GABRB2: variants seen among roughly 807,000 people sequenced by gnomAD.
GABRB2 encodes gamma-aminobutyric acid type A receptor subunit beta2.
Under a neutral mutation model 54.7 loss-of-function variants are expected in GABRB2, and 16 were observed. The observed-to-expected ratio is 0.29, with a 90% CI of 0.20 to 0.44. The LOEUF is 0.44. GABRB2 is among the 20% of genes least tolerant of loss of function. The pLI is 1.00. For synonymous variants in GABRB2, 244 were observed against 233.8 expected, an observed-to-expected ratio of 1.04 and a Z score of -0.40; for missense variants, 355 against 644.0, an observed-to-expected ratio of 0.55 and a Z score of 4.86.
At chr5:161,335,275 G>A (rs1753959267) in intron 6 of GABRB2, among the ~76,000 whole-genome samples, 2 of 152,272 alleles carry the variant, frequency 1.3e-5, no homozygotes, top group East Asian at 3.9e-4. Context: ...GAGTGAGGCT[G>A]CATGTTCTGG....
chr5:161,329,903 T>C (rs1753780994), intron 8 of GABRB2: 1 of 152,208 alleles, frequency 6.6e-6, no homozygotes, highest in Non-Finnish European at 1.5e-5. Context: ...GCAAGTGCTA[T>C]AACAGGAAGC....
At chr5:161,302,763 A>G (rs1386460759) in intron 9 of GABRB2, among the ~76,000 whole-genome samples, 1 of 152,198 alleles carries the variant, frequency 6.6e-6, no homozygotes, top group Non-Finnish European at 1.5e-5. Flanking sequence ...GCTCTTTCCA[A>G]AAATAGCACT....
chr5:161,504,357 A>G (rs192940754), intron 3 of GABRB2, among the ~76,000 whole-genome samples: 5 of 152,272 alleles, frequency 3.3e-5, no homozygotes, highest in African/African-American at 7.2e-5. Context: ...TGTATGTTCT[A>G]TGACAACAAC....
intron 1 of GABRB2, 48 bp from the exon 2 acceptor site, chr5:161,546,461 T>C (rs767231228): frequency 6.3e-7 from 1 of 1,588,876 alleles, no homozygotes; most frequent in Admixed American, 1.7e-5. Context: ...GAAGCAGGCA[T>C]AGCGTTTTCA....
At chr5:161,521,081 C>T (rs73303269) in intron 3 of GABRB2, among the ~76,000 whole-genome samples, 6,643 of 152,022 alleles carry the variant, frequency 0.044, 424 homozygotes, top group African/African-American at 0.14. Context: ...TTCCTATGGA[C>T]GGGCAAGCTG....
chr5:161,401,053 G>A (rs1756172202), intron 5 of GABRB2, among the ~76,000 whole-genome samples: 1 of 152,140 alleles, frequency 6.6e-6, no homozygotes, highest in Admixed American at 6.6e-5. Flanking sequence ...TGATTCACGG[G>A]AAAGTCTTGA....
chr5:161,479,639 GA>G (rs1758698887), intron 3 of GABRB2, among the ~76,000 whole-genome samples: 1 of 146,080 alleles, frequency 6.8e-6, no homozygotes, highest in South Asian at 2.1e-4. Context: ...AGGCTGGGGT[GA>G]GTGCAGTGGC....
chr5:161,467,208 C>T (rs1001347781), intron 3 of GABRB2, among the ~76,000 whole-genome samples: 9 of 152,212 alleles, frequency 5.9e-5, no homozygotes, highest in Admixed American at 3.9e-4. Context: ...ACAGCTTTGT[C>T]TCCAAAATTA....
chr5:161,382,404 T>C (rs1755497368), intron 5 of GABRB2, among the ~76,000 whole-genome samples: 1 of 152,318 alleles, frequency 6.6e-6, no homozygotes, highest in Admixed American at 6.5e-5. Context: ...AATCCATTTA[T>C]CCTCAGATGC....
At chr5:161,511,848 A>G (rs1759779657) in intron 3 of GABRB2, among the ~76,000 whole-genome samples, 1 of 151,992 alleles carries the variant, frequency 6.6e-6, no homozygotes, top group Non-Finnish European at 1.5e-5. Context: ...ATACTGAATT[A>G]GGAGCTACCT....
intron 3 of GABRB2, among the ~76,000 whole-genome samples, chr5:161,502,731 C>T (rs1759489780): frequency 6.6e-6 from 1 of 152,128 alleles, no homozygotes; most frequent in South Asian, 2.1e-4. Context: ...GGGAGCAATA[C>T]CTTGGCTAGG....
At chr5:161,484,069 A>G (rs576643173) in intron 3 of GABRB2, among the ~76,000 whole-genome samples, 8 of 151,006 alleles carry the variant, frequency 5.3e-5, no homozygotes, top group African/African-American at 1.5e-4. Context: ...AAAGAAAATG[A>G]AAAAAAAAGC....
intron 3 of GABRB2, among the ~76,000 whole-genome samples, chr5:161,531,663 G>A (rs1760466933): frequency 6.6e-6 from 1 of 151,546 alleles, no homozygotes; most frequent in African/African-American, 2.4e-5. Context: ...CCCAGTAGCA[G>A]ACTAATATGC....
chr5:161,311,943 C>T (rs1757881136), intron 9 of GABRB2, among the ~76,000 whole-genome samples: 1 of 152,026 alleles, frequency 6.6e-6, no homozygotes, highest in African/African-American at 2.4e-5. Flanking sequence ...TTCCAAGAAC[C>T]TTGGTTACCT....
chr5:161,525,344 C>T (rs1300080008), intron 3 of GABRB2, among the ~76,000 whole-genome samples: 1 of 151,202 alleles, frequency 6.6e-6, no homozygotes, highest in Non-Finnish European at 1.5e-5. Flanking sequence ...CAATGTATAT[C>T]TTTGAAGATA....
At chr5:161,481,747 A>G (rs1325296816) in intron 3 of GABRB2, among the ~76,000 whole-genome samples, 2 of 151,994 alleles carry the variant, frequency 1.3e-5, no homozygotes, top group South Asian at 2.1e-4. Flanking sequence ...ATACATCTTG[A>G]CCCACAAGCT....
In GABRB2 at chr5:161,289,889, G is replaced by C. The variant is rs1395398081; in HGVS notation, c.*4192C>G. 1.3e-5 allele frequency: 2 copies of C among 151,822 alleles called. No homozygotes were observed. Among genetic ancestry groups the C allele is most frequent in the African/African-American group, 4.8e-5 (2 of 41,316 alleles). 9.4% of individuals were successfully genotyped at this position (151,822 alleles called of 1,614,324 possible). ...ATTCCCAAACCATTTATGCAAAAGGGTGTTTAAATTACTCTGCTGGGGGCA... is the reference window on the plus strand; with the variant it reads ...ATTCCCAAACCATTTATGCAAAAGGCTGTTTAAATTACTCTGCTGGGGGCA... On this transcript the variant is annotated 3_prime_UTR_variant, in exon 10 of 10. Coordinates refer to ENST00000393959, the MANE Select transcript of GABRB2 (RefSeq NM_001371727.1).
rs573834746 is a variant in GABRB2 at position 161,292,220 on chromosome 5, A to T, written c.*1861T>A. On this transcript the variant is annotated 3_prime_UTR_variant, in exon 10 of 10. Coordinates refer to ENST00000393959, the MANE Select transcript of GABRB2 (RefSeq NM_001371727.1). ...ACTCCATCATATTCCAAGCTGCTAA[A>T]TCATGAAGGAAACAAGGAATCAAGA... 204 of 152,346 alleles carry T rather than the reference A, an allele frequency of 1.3e-3. 1 individual carries two copies. Among genetic ancestry groups the T allele is most frequent in the African/African-American group, 4.8e-3 (198 of 41,578 alleles). 9.4% of individuals were successfully genotyped at this position (152,346 alleles called of 1,614,324 possible).
chr5:161,303,564 GAAGT>G (rs2113349717), intron 9 of GABRB2, among the ~76,000 whole-genome samples: 1 of 152,256 alleles, frequency 6.6e-6, no homozygotes, highest in African/African-American at 2.4e-5. Flanking sequence ...GGTTTTGCAG[GAAGT>G]AAGAGGCAGA....
Sources: gnomAD v4.1 joint callset for allele counts (sites outside exome capture counted in the v4.1 genomes callset) on GRCh38, gnomAD v4.1.1 for gene constraint, MANE v1.5 for transcripts, NCBI Gene and HGNC (gene_info 2026-07-23, HGNC 2026-07-21) for gene names.